The following MSH3 variants were observed in gnomAD, a reference collection of about 807,000 sequenced individuals.
MSH3 encodes DNA mismatch repair protein Msh3.
MSH3 carries 106 observed loss-of-function variants against 123.3 expected under a neutral mutation model. The ratio of observed to expected loss-of-function variants is 0.86; its 90% CI spans 0.73 to 1.01. The LOEUF is 1.01. Ranked by LOEUF, MSH3 falls within the 50% of genes least tolerant of loss-of-function variation. The pLI is 0.00. For missense variants in MSH3, 1,459 were observed against 1,347.6 expected (o/e 1.08, Z -1.29); for synonymous variants, 515 against 481.4 (o/e 1.07, Z -0.91).
At chr5:80,756,205 T>C (rs1268561418) in intron 12 of MSH3, among the ~76,000 whole-genome samples, 1 of 151,554 alleles carries the variant, frequency 6.6e-6, no homozygotes, top group Non-Finnish European at 1.5e-5. Flanking sequence ...AAAAAAAGAA[T>C]GACTTAAATA....
chr5:80,672,874 G>A lies in MSH3; in HGVS notation c.1027+16G>A, dbSNP rs368709702. The A allele has an allele frequency of 4.5e-6, 7 of 1,570,270 alleles. No individual in the cohort carries two copies. Among genetic ancestry groups the A allele is most frequent in the African/African-American group, 2.7e-5 (2 of 74,008 alleles). On this transcript the variant is annotated intron_variant, in intron 6 of 23. Transcript: ENST00000265081. ...ATTGGAGAAGATATCCTTTTTGGAC[G>A]GGAGTTTTTCTCTTAAATGATACAA...
chr5:80,839,533 A>G (rs1206287534), intron 20 of MSH3, among the ~76,000 whole-genome samples: 1 of 152,166 alleles, frequency 6.6e-6, no homozygotes, highest in Non-Finnish European at 1.5e-5. Context: ...TTTCCTGTGT[A>G]TTTTAATCCA....
chr5:80,811,781 A>AAAAAAGAGATT (rs1345230581), intron 19 of MSH3, among the ~76,000 whole-genome samples: 1 of 148,498 alleles, frequency 6.7e-6, no homozygotes, highest in African/African-American at 2.5e-5. Context: ...TAGACATATT[A>AAAAAAGAGATT]AAAAAGAGAT....
intron 20 of MSH3, among the ~76,000 whole-genome samples, chr5:80,815,020 TAG>T (rs956273010): frequency 6.6e-6 from 1 of 152,140 alleles, no homozygotes; most frequent in African/African-American, 2.4e-5. Context: ...GCTTTGTGTA[TAG>T]AGTGTCTTGA....
chr5:80,812,506 A>T (rs1423383565), intron 19 of MSH3, among the ~76,000 whole-genome samples: 1 of 151,588 alleles, frequency 6.6e-6, no homozygotes, highest in Non-Finnish European at 1.5e-5. Context: ...ACTGGTTCTC[A>T]GTTAACTCCC....
chr5:80,693,573 A>G (rs1236544410), intron 8 of MSH3, among the ~76,000 whole-genome samples: 3 of 150,536 alleles, frequency 2.0e-5, no homozygotes, highest in Admixed American at 1.3e-4. Context: ...ATAAATATAT[A>G]TGCACATGTA....
rs2112128668 is a variant in MSH3, at chr5:80,873,164, C to A, written c.3179C>A (p.Thr1060Asn). 6.2e-7 allele frequency: 1 copy of A among 1,613,636 alleles called. No homozygotes were observed. Among genetic ancestry groups the A allele is most frequent in the East Asian group, 2.2e-5 (1 of 44,832 alleles). The change falls in exon 23 of 24, where the codon ACT becomes AAT. Residue 1060 changes from threonine (T) to asparagine (N), a missense_variant. By Grantham distance (65) the Thr-to-Asn change is moderately conservative. Coordinates refer to ENST00000265081, the MANE Select transcript of MSH3 (RefSeq NM_002439.5). ...PDFVTFLYQI[T>N]RGIAARSYGL... ...TTTGTCACCTTCCTTTACCAAATAA[C>A]TAGAGGAATTGCAGCAAGGAGTTAT... is the stretch of plus-strand genomic sequence containing the variant.
chr5:80,867,554 A>C (rs1437687673), intron 22 of MSH3, among the ~76,000 whole-genome samples: 2 of 152,214 alleles, frequency 1.3e-5, no homozygotes, highest in Admixed American at 1.3e-4. Flanking sequence ...TTGAAGACCC[A>C]GTCCCCTGAG....
chr5:80,672,141 A>G, intron 4 of MSH3, 103 bp from the exon 5 acceptor site: 1 of 870,616 alleles, frequency 1.1e-6, no homozygotes. Context: ...AAGTGTACAA[A>G]TCCTAAATGT....
intron 12 of MSH3, among the ~76,000 whole-genome samples, chr5:80,758,981 A>G (rs1430886451): frequency 6.6e-6 from 1 of 152,210 alleles, no homozygotes; most frequent in Non-Finnish European, 1.5e-5. Context: ...AAAACTTTAT[A>G]TTTGTATAAC....
At chr5:80,746,224 GATTGATTTGCTA>G (rs1743717339) in intron 12 of MSH3, 1 of 247,588 alleles carries the variant, frequency 4.0e-6, no homozygotes, top group African/African-American at 2.3e-5. Context: ...CTGCTCATAC[GATTGATTTGCTA>G]CTGCATTTCA....
chr5:80,663,874 A>G (rs1355404469), intron 2 of MSH3, among the ~76,000 whole-genome samples: 1 of 152,162 alleles, frequency 6.6e-6, no homozygotes, highest in African/African-American at 2.4e-5. Context: ...CTTGGGAGCA[A>G]TTTTAAACTT....
At chr5:80,785,208 C>T (rs2112017028) in intron 17 of MSH3, among the ~76,000 whole-genome samples, 1 of 152,278 alleles carries the variant, frequency 6.6e-6, no homozygotes, top group Non-Finnish European at 1.5e-5. Context: ...CATTTATTGT[C>T]CGTTTGTTGT....
intron 20 of MSH3, among the ~76,000 whole-genome samples, chr5:80,832,734 A>T (rs1437750345): frequency 1.3e-5 from 2 of 151,686 alleles, no homozygotes; most frequent in Non-Finnish European, 2.9e-5. Context: ...TATTATTTTT[A>T]TATATATATA....
Position 80,813,582 on chromosome 5 carries a change from A to C in MSH3, c.2656-2A>C. ...TAAGTGAAATTCCTTTCTAATTTTC[A>C]GGAGGACTCAGAGAGAGTAATGATA... On this transcript the variant is annotated splice_acceptor_variant, in intron 19 of 23. Coordinates refer to ENST00000265081, the MANE Select transcript of MSH3 (RefSeq NM_002439.5). LOFTEE classifies it high-confidence loss of function. 6.2e-7 allele frequency: 1 copy of C among 1,614,086 alleles called. No homozygotes were observed.
intron 10 of MSH3, among the ~76,000 whole-genome samples, chr5:80,735,302 T>C (rs947635362): frequency 7.0e-6 from 1 of 143,504 alleles, no homozygotes; most frequent in Non-Finnish European, 1.5e-5. Flanking sequence ...GAGAATGGCA[T>C]GAACCTAGGA....
intron 13 of MSH3, among the ~76,000 whole-genome samples, chr5:80,767,201 A>G (rs1021421876): frequency 4.4e-5 from 6 of 134,834 alleles, no homozygotes; most frequent in Non-Finnish European, 6.8e-5. Flanking sequence ...TCAGACACAC[A>G]TATTTTTCAC....
chr5:80,783,969 G>A (rs999024255), intron 17 of MSH3, among the ~76,000 whole-genome samples: 16 of 151,906 alleles, frequency 1.1e-4, no homozygotes, highest in Admixed American at 2.6e-4. Flanking sequence ...CAGCACTTTC[G>A]GAGACTGAGA....
chr5:80,811,617 G>A (rs895224696), intron 19 of MSH3, among the ~76,000 whole-genome samples: 14 of 152,056 alleles, frequency 9.2e-5, no homozygotes, highest in Non-Finnish European at 1.5e-4. Flanking sequence ...TGTAATATTC[G>A]TGCTATTTCT....
Sources: allele counts gnomAD v4.1 joint callset (sites outside exome capture counted in the v4.1 genomes callset), GRCh38; gene constraint gnomAD v4.1.1; transcripts MANE v1.5; gene names NCBI Gene and HGNC (gene_info 2026-07-23, HGNC 2026-07-21).